Variants in DCC observed in about 807,000 individuals in gnomAD.
DCC encodes netrin receptor DCC.
In DCC, 58 loss-of-function variants were observed where a neutral mutation model predicts 172.5. The ratio of observed to expected loss-of-function variants is 0.34; its 90% CI spans 0.27 to 0.42. DCC has a LOEUF of 0.42. Among genes scored for constraint, DCC ranks in the 10% least tolerant of loss-of-function variants. The pLI, the probability that DCC is intolerant of heterozygous loss-of-function variation, is 1.00. For missense variants in DCC, 1,740 were observed against 1,791.0 expected, an observed-to-expected ratio of 0.97 and a Z score of 0.51; for synonymous variants, 709 against 644.5, an observed-to-expected ratio of 1.10 and a Z score of -1.52.
intron 2 of DCC, among the ~76,000 whole-genome samples, chr18:52,881,295 A>G (rs115491279): frequency 0.015 from 2,300 of 151,914 alleles, 42 homozygotes; most frequent in African/African-American, 0.038. Flanking sequence ...TTTTCTTCCA[A>G]TCTGTGGGTT....
Position 52,992,942 on chromosome 18 carries a change from G to C in DCC, c.985+67572G>C, listed in dbSNP as rs1016154796. On this transcript the variant is annotated intron_variant, in intron 5 of 28. Transcript: ENST00000442544. ...TGCAGTGAGCCAAGATCACACCACT[G>C]CACTACAGCCTGGGTGACACAGTGA... Among the ~76,000 whole-genome samples, 4 of 150,160 alleles carry C rather than the reference G, an allele frequency of 2.7e-5. No homozygotes were observed. In the South Asian group the frequency reaches 6.3e-4, roughly 24 times the overall value.
intron 7 of DCC, among the ~76,000 whole-genome samples, chr18:53,140,734 G>A (rs2043817769): frequency 6.6e-6 from 1 of 151,980 alleles, no homozygotes; most frequent in Admixed American, 6.6e-5. Context: ...AAAAAGAGAA[G>A]GAAAATGTCA....
At chr18:53,142,895 C>G (rs2043851828) in intron 7 of DCC, among the ~76,000 whole-genome samples, 2 of 152,148 alleles carry the variant, frequency 1.3e-5, no homozygotes, top group Admixed American at 1.3e-4. Context: ...CAGCTTCTAT[C>G]TTTCCCTTTT....
rs943591285 is a variant in DCC at position 53,535,085 on chromosome 18, G to A, written c.*4432G>A. 3 of 131,984 alleles carry A rather than the reference G, an allele frequency of 2.3e-5. No homozygotes were observed. The highest frequency in any genetic ancestry group is 3.1e-5 in the Non-Finnish European group (2 of 64,726). The allele number at this position is 131,984 out of a possible 1,614,324, so 8.2% of individuals were successfully genotyped here. On this transcript the variant is annotated 3_prime_UTR_variant, in exon 29 of 29. Coordinates refer to ENST00000442544, the MANE Select transcript of DCC (RefSeq NM_005215.4). Reference sequence around the variant, plus strand: ...AGGAATGATGGAGAGGAGGAGAAATGCTGTTTTTTATTATTGTAGGGTAAA... The same window carrying A: ...AGGAATGATGGAGAGGAGGAGAAATACTGTTTTTTATTATTGTAGGGTAAA...
intron 1 of DCC, among the ~76,000 whole-genome samples, chr18:52,690,613 G>C (rs1392381865): frequency 1.3e-5 from 2 of 152,108 alleles, no homozygotes; most frequent in Non-Finnish European, 2.9e-5. Context: ...AAGAACCAAA[G>C]GAGATTGGCT....
At chr18:53,202,528 C>G (rs907330963) in intron 9 of DCC, among the ~76,000 whole-genome samples, 1 of 152,100 alleles carries the variant, frequency 6.6e-6, no homozygotes, top group Non-Finnish European at 1.5e-5. Context: ...TTTGTAACCA[C>G]CATGCTAGAA....
intron 1 of DCC, among the ~76,000 whole-genome samples, chr18:52,467,044 T>A (rs1315064740): frequency 6.2e-5 from 9 of 145,646 alleles, no homozygotes; most frequent in East Asian, 3.9e-4. Flanking sequence ...GTGGTTTTTT[T>A]AAAAAAAAAA....
At chr18:53,468,120 G>A (rs571216487) in intron 25 of DCC, 110 bp downstream of exon 25, 1 of 723,418 alleles carries the variant, frequency 1.4e-6, no homozygotes, top group East Asian at 2.7e-5. Flanking sequence ...GAACTTTCTG[G>A]ACAAATGGAA....
At chr18:53,243,439 A>G (rs2056328821) in intron 12 of DCC, among the ~76,000 whole-genome samples, 1 of 152,152 alleles carries the variant, frequency 6.6e-6, no homozygotes, top group Non-Finnish European at 1.5e-5. Context: ...AAATCATTTC[A>G]AAGGCTTACC....
chr18:52,779,008 G>A (rs1386417714), intron 2 of DCC, among the ~76,000 whole-genome samples: 1 of 152,128 alleles, frequency 6.6e-6, no homozygotes, highest in Admixed American at 6.5e-5. Flanking sequence ...TCAGGACTCA[G>A]CATTCTGCAT....
intron 1 of DCC, among the ~76,000 whole-genome samples, chr18:52,398,143 G>C (rs1432753905): frequency 7.3e-6 from 1 of 136,478 alleles, no homozygotes; most frequent in Non-Finnish European, 1.7e-5. Flanking sequence ...ATTGGTAATA[G>C]AATAGGATAG....
At chr18:52,801,196 C>G (rs2037978808) in intron 2 of DCC, among the ~76,000 whole-genome samples, 1 of 152,178 alleles carries the variant, frequency 6.6e-6, no homozygotes, top group Admixed American at 6.5e-5. Context: ...GAAGTACACT[C>G]TTCCCTATGA....
intron 1 of DCC, among the ~76,000 whole-genome samples, chr18:52,391,525 G>C (rs1986029886): frequency 6.6e-6 from 1 of 152,090 alleles, no homozygotes; most frequent in Non-Finnish European, 1.5e-5. Flanking sequence ...ATTCATACTT[G>C]CTTTTCTTTC....
intron 1 of DCC, among the ~76,000 whole-genome samples, chr18:52,444,371 GA>G (rs1434952602): frequency 3.3e-5 from 5 of 152,170 alleles, no homozygotes; most frequent in African/African-American, 1.2e-4. Flanking sequence ...TCTACGTCAA[GA>G]AGCTTAAAAT....
At chr18:52,778,957 CAT>C (rs1486889203) in intron 2 of DCC, among the ~76,000 whole-genome samples, 2 of 152,262 alleles carry the variant, frequency 1.3e-5, no homozygotes, top group East Asian at 1.9e-4. Flanking sequence ...GACTTAAAAA[CAT>C]ATATGACATA....
intron 5 of DCC, among the ~76,000 whole-genome samples, chr18:52,994,482 C>T (rs942222594): frequency 1.3e-5 from 2 of 152,050 alleles, no homozygotes; most frequent in African/African-American, 4.8e-5. Flanking sequence ...ATATTTTATG[C>T]TCAGTTTCTG....
At chr18:53,145,183 C>T (rs553234632) in intron 7 of DCC, among the ~76,000 whole-genome samples, 3 of 129,162 alleles carry the variant, frequency 2.3e-5, no homozygotes, top group East Asian at 2.6e-4. Flanking sequence ...GGCGCGATCT[C>T]GGCTCACTGC....
intron 12 of DCC, among the ~76,000 whole-genome samples, chr18:53,294,791 C>T (rs535327803): frequency 4.6e-5 from 7 of 152,200 alleles, no homozygotes; most frequent in African/African-American, 1.7e-4. Flanking sequence ...TTTTACATAA[C>T]CAGGGAAAGG....
At chr18:53,162,185 G>A (rs1229391009) in intron 8 of DCC, among the ~76,000 whole-genome samples, 1 of 151,412 alleles carries the variant, frequency 6.6e-6, no homozygotes, top group African/African-American at 2.4e-5. Context: ...TGTAATCCTG[G>A]CTACTTAGAA....
Sources: allele counts gnomAD v4.1 joint callset (sites outside exome capture counted in the v4.1 genomes callset), GRCh38; gene constraint gnomAD v4.1.1; transcripts MANE v1.5; gene names NCBI Gene and HGNC (gene_info 2026-07-23, HGNC 2026-07-21).